Variants in TMC1 observed in about 807,000 individuals in gnomAD.
The protein encoded by TMC1 is transmembrane channel-like protein 1.
A neutral mutation model predicts 105.8 loss-of-function variants in TMC1; 84 were observed. That is an observed-to-expected ratio of 0.79 (90% CI 0.67 to 0.95). The LOEUF (loss-of-function observed/expected upper bound fraction) is 0.95. TMC1 is among the 40% of genes least tolerant of loss of function. The probability of loss-of-function intolerance (pLI) is 0.00; values close to 1 mark genes in which losing one functional copy is unlikely to be tolerated. For missense variants in TMC1, 817 were observed against 914.1 expected (o/e 0.89, Z 1.37); for synonymous variants, 315 against 311.5 (o/e 1.01, Z -0.12).
At chr9:72,770,188 G>A (rs940085892) in intron 12 of TMC1, among the ~76,000 whole-genome samples, 15 of 151,824 alleles carry the variant, frequency 9.9e-5, no homozygotes, top group African/African-American at 3.6e-4. Flanking sequence ...TCTACTAGCT[G>A]TTTATCCCCA....
chr9:72,690,054 T>C (rs893116143), intron 6 of TMC1, among the ~76,000 whole-genome samples: 2 of 152,062 alleles, frequency 1.3e-5, no homozygotes, highest in African/African-American at 2.4e-5. Flanking sequence ...TTCTCCTTCA[T>C]ATTTTATTGA....
intron 1 of TMC1, among the ~76,000 whole-genome samples, chr9:72,558,415 G>T (rs1587956108): frequency 6.6e-6 from 1 of 152,262 alleles, no homozygotes; most frequent in East Asian, 1.9e-4. Context: ...CATTGTTTTT[G>T]AGATTCCAGG....
At chr9:72,697,587 T>G (rs533099480) in intron 7 of TMC1, among the ~76,000 whole-genome samples, 5 of 152,246 alleles carry the variant, frequency 3.3e-5, no homozygotes, top group African/African-American at 1.2e-4. Context: ...TAGAATTGTT[T>G]CTATTAAAGG....
intron 8 of TMC1, among the ~76,000 whole-genome samples, chr9:72,708,533 TA>T (rs2117899319): frequency 6.6e-6 from 1 of 152,082 alleles, no homozygotes; most frequent in East Asian, 1.9e-4. Context: ...GTGGCTATTG[TA>T]AAAGGGGTTG....
chr9:72,630,829 G>A (rs1825436786), intron 4 of TMC1, among the ~76,000 whole-genome samples: 1 of 151,406 alleles, frequency 6.6e-6, no homozygotes, highest in Admixed American at 6.6e-5. Flanking sequence ...GTAGGACTAT[G>A]GGTAATTTTT....
intron 5 of TMC1, among the ~76,000 whole-genome samples, chr9:72,660,994 T>C (rs1222056696): frequency 6.6e-6 from 1 of 151,606 alleles, no homozygotes; most frequent in Non-Finnish European, 1.5e-5. Flanking sequence ...ACCAGAAAAA[T>C]ACAAAAAATT....
intron 13 of TMC1, among the ~76,000 whole-genome samples, chr9:72,784,336 A>G (rs1189056150): frequency 6.6e-6 from 1 of 152,246 alleles, no homozygotes; most frequent in East Asian, 1.9e-4. Flanking sequence ...ACTCAACATT[A>G]CTAATCATTA....
At chr9:72,632,481 C>T (rs999949837) in intron 4 of TMC1, among the ~76,000 whole-genome samples, 2 of 151,932 alleles carry the variant, frequency 1.3e-5, no homozygotes, top group Admixed American at 6.6e-5. Context: ...GAGAAGTTTC[C>T]CCAGGGCATA....
chr9:72,790,667 A>G (rs541407928), intron 15 of TMC1, among the ~76,000 whole-genome samples: 2 of 152,226 alleles, frequency 1.3e-5, no homozygotes, highest in South Asian at 4.1e-4. Flanking sequence ...TATTTTAGGG[A>G]CCCTCTGAGT....
chr9:72,713,301 G>A (rs1313354252), intron 8 of TMC1, among the ~76,000 whole-genome samples: 1 of 152,134 alleles, frequency 6.6e-6, no homozygotes, highest in East Asian at 1.9e-4. Context: ...AATAAGTTAA[G>A]GAGGATTCCC....
chr9:72,684,009 A>G (rs143250199), intron 5 of TMC1, among the ~76,000 whole-genome samples: 127 of 151,788 alleles, frequency 8.4e-4, no homozygotes, highest in African/African-American at 3.0e-3. Context: ...AGCAAGAGGT[A>G]TATTAGTAAG....
At chr9:72,577,446 A>T (rs1824402464) in intron 1 of TMC1, among the ~76,000 whole-genome samples, 1 of 152,204 alleles carries the variant, frequency 6.6e-6, no homozygotes, top group Admixed American at 6.5e-5. Context: ...AGACTCATCA[A>T]TTAACACAGG....
chr9:72,753,002 G>T (rs1007062605), intron 11 of TMC1, among the ~76,000 whole-genome samples: 1 of 152,140 alleles, frequency 6.6e-6, no homozygotes, highest in African/African-American at 2.4e-5. Flanking sequence ...ACATGTAAAT[G>T]GAGTCACATA....
intron 13 of TMC1, among the ~76,000 whole-genome samples, chr9:72,775,796 T>G (rs1323172940): frequency 1.3e-5 from 2 of 152,178 alleles, no homozygotes; most frequent in Admixed American, 1.3e-4. Flanking sequence ...TTCAGCTGTT[T>G]CCACTCCTGG....
intron 15 of TMC1, among the ~76,000 whole-genome samples, 198 bp from the exon 16 acceptor site, chr9:72,791,688 A>G (rs1828269148): frequency 6.6e-6 from 1 of 152,204 alleles, no homozygotes; most frequent in Non-Finnish European, 1.5e-5. Flanking sequence ...ACTCAGTCAC[A>G]TGCCTCTCTT....
chr9:72,685,306 C>G (rs1336359148), intron 5 of TMC1, among the ~76,000 whole-genome samples: 1 of 150,050 alleles, frequency 6.7e-6, no homozygotes, highest in Admixed American at 6.7e-5. Context: ...CGGGGTTTCA[C>G]TGTGTTAGCC....
chr9:72,639,766 T>A lies in TMC1; in HGVS notation c.-52-8831T>A, dbSNP rs1825594039. 2.6e-5 allele frequency among the ~76,000 whole-genome samples: 4 copies of A among 152,200 alleles called. No individual in the cohort carries two copies. The South Asian group carries it at 8.3e-4, about 31-fold the overall frequency. Reference sequence around the variant, plus strand: ...CCTTTCTTAATTAAATAAGAAGGACTGCAATTATTTAAAAAGTGTATGTCA... The same window carrying A: ...CCTTTCTTAATTAAATAAGAAGGACAGCAATTATTTAAAAAGTGTATGTCA... On this transcript the variant is annotated intron_variant, in intron 4 of 23. Transcript: ENST00000297784.
chr9:72,560,688 C>T (rs866154069), intron 1 of TMC1, among the ~76,000 whole-genome samples: 4 of 151,850 alleles, frequency 2.6e-5, no homozygotes, highest in African/African-American at 4.8e-5. Context: ...TTAGTAGAGA[C>T]GGGGTTTTAC....
At chr9:72,579,399 G>A (rs755921373) in intron 2 of TMC1, among the ~76,000 whole-genome samples, 18 of 152,054 alleles carry the variant, frequency 1.2e-4, no homozygotes, top group South Asian at 6.2e-4. Flanking sequence ...CGGGCCTGGC[G>A]CCAGAATCAC....
Sources: gnomAD v4.1 joint callset for allele counts (sites outside exome capture counted in the v4.1 genomes callset) on GRCh38, gnomAD v4.1.1 for gene constraint, MANE v1.5 for transcripts, NCBI Gene and HGNC (gene_info 2026-07-23, HGNC 2026-07-21) for gene names.